Variants in ADGRL2 observed in about 807,000 individuals in gnomAD.
The protein encoded by ADGRL2 is adhesion G protein-coupled receptor L2.
ADGRL2 carries 44 observed loss-of-function variants against 157.4 expected under a neutral mutation model. That is an observed-to-expected ratio of 0.28 (90% CI 0.22 to 0.36). ADGRL2 has a LOEUF of 0.36. Among genes scored for constraint, ADGRL2 ranks in the 10% least tolerant of loss-of-function variants. The pLI, the probability that ADGRL2 is intolerant of heterozygous loss-of-function variation, is 1.00. For missense variants in ADGRL2, 1,510 were observed against 1,768.9 expected, an observed-to-expected ratio of 0.85 and a Z score of 2.63; for synonymous variants, 585 against 624.7, an observed-to-expected ratio of 0.94 and a Z score of 0.95.
At chr1:81,655,235 C>G (rs1394201219) in intron 3 of ADGRL2, among the ~76,000 whole-genome samples, 3 of 152,110 alleles carry the variant, frequency 2.0e-5, no homozygotes, top group African/African-American at 7.2e-5. Context: ...CTCCTGACTT[C>G]GTGATCCGCC....
chr1:81,669,039 A>C, intron 3 of ADGRL2, among the ~76,000 whole-genome samples: 1 of 152,162 alleles, frequency 6.6e-6, no homozygotes, highest in East Asian at 1.9e-4. Context: ...AAGACTGTCC[A>C]TCAATCTGGA....
At chr1:81,722,135 T>C (rs941208858) in intron 1 of ADGRL2, 1 of 357,962 alleles carries the variant, frequency 2.8e-6, no homozygotes, top group Non-Finnish European at 5.4e-6. Context: ...TACTAAAAAA[T>C]ATAAAAAATT....
At chr1:81,441,935 A>G (rs957608982) in intron 1 of ADGRL2, among the ~76,000 whole-genome samples, 1 of 152,080 alleles carries the variant, frequency 6.6e-6, no homozygotes, top group East Asian at 1.9e-4. Context: ...TCCTGGCCTC[A>G]AGTGATCTTC....
At chr1:81,935,644 T>G (rs1474900869) in intron 3 of ADGRL2, among the ~76,000 whole-genome samples, 1 of 151,994 alleles carries the variant, frequency 6.6e-6, no homozygotes, top group Non-Finnish European at 1.5e-5. Context: ...GTATTCCAAC[T>G]GTTACATAAA....
In ADGRL2 at chr1:81,963,941, T is replaced by C. The variant is rs190743615; in HGVS notation, c.2018-2117T>C. On this transcript the variant is annotated intron_variant, in intron 11 of 23. Transcript: ENST00000686636. ...TTTTAATGGTCATAAACTATTAGGG[T>C]TTTTAATTTCTTTTAGTCAGTTTTA... is the stretch of plus-strand genomic sequence containing the variant. 1.1e-4 allele frequency among the ~76,000 whole-genome samples: 17 copies of C among 151,214 alleles called. No individual in the cohort carries two copies. In the East Asian group the frequency reaches 3.3e-3, roughly 30 times the overall value.
At chr1:81,669,867 C>T (rs1453747871) in intron 3 of ADGRL2, among the ~76,000 whole-genome samples, 13 of 145,236 alleles carry the variant, frequency 9.0e-5, no homozygotes, top group African/African-American at 2.3e-4. Flanking sequence ...GGCATGAACC[C>T]GGGAGGCGGA....
At chr1:81,724,618 A>G (rs1423261759) in intron 1 of ADGRL2, among the ~76,000 whole-genome samples, 3 of 152,190 alleles carry the variant, frequency 2.0e-5, no homozygotes, top group Non-Finnish European at 4.4e-5. Flanking sequence ...AAGACTATGT[A>G]TAGACATCGT....
Position 81,836,993 on chromosome 1 carries a change from T to A in ADGRL2, c.9T>A (p.Ser3=). The change falls in exon 2 of 24, where the codon TCT becomes TCA. Residue 3 remains serine, a synonymous_variant. Transcript: ENST00000686636. MV[S]SGCRMRSLWF... is the part of the protein sequence containing the mutation. ...ACTTAAAGGGATCAATAATGGTGTCTTCTGGTTGCAGAATGCGAAGTCTGT... is the reference window on the plus strand; with the variant it reads ...ACTTAAAGGGATCAATAATGGTGTCATCTGGTTGCAGAATGCGAAGTCTGT... 6 of 1,589,782 alleles carry A rather than the reference T, an allele frequency of 3.8e-6. No homozygotes were observed. The highest frequency in any genetic ancestry group is 5.1e-6 in the Non-Finnish European group (6 of 1,168,126).
intron 2 of ADGRL2, among the ~76,000 whole-genome samples, chr1:81,457,072 G>A (rs916442375): frequency 2.0e-5 from 3 of 152,008 alleles, no homozygotes; most frequent in African/African-American, 7.3e-5. Context: ...CCCCCAATAT[G>A]GTGCTAAATT....
At chr1:81,754,710 C>G (rs1371607068) in intron 1 of ADGRL2, among the ~76,000 whole-genome samples, 1 of 146,724 alleles carries the variant, frequency 6.8e-6, no homozygotes, top group African/African-American at 2.6e-5. Flanking sequence ...TCCTTCCTCT[C>G]TCTCTCTTTC....
chr1:81,628,362 A>G (rs1217305069), intron 3 of ADGRL2, among the ~76,000 whole-genome samples: 1 of 152,186 alleles, frequency 6.6e-6, no homozygotes, highest in Non-Finnish European at 1.5e-5. Flanking sequence ...TTAAGCAATC[A>G]CAGTGGATAC....
intron 3 of ADGRL2, among the ~76,000 whole-genome samples, chr1:81,678,662 G>C (rs529700286): frequency 6.6e-5 from 10 of 152,298 alleles, no homozygotes; most frequent in Admixed American, 3.9e-4. Flanking sequence ...CTTTATGTAT[G>C]ACTTTGCCAC....
At chr1:81,563,712 T>C (rs964270010) in intron 2 of ADGRL2, among the ~76,000 whole-genome samples, 1 of 152,210 alleles carries the variant, frequency 6.6e-6, no homozygotes, top group Non-Finnish European at 1.5e-5. Context: ...CTATTTCTCA[T>C]ATTAAATCTC....
chr1:81,624,874 C>A (rs1462075958), intron 3 of ADGRL2, among the ~76,000 whole-genome samples: 1 of 152,152 alleles, frequency 6.6e-6, no homozygotes, highest in African/African-American at 2.4e-5. Flanking sequence ...ATGAGACAAG[C>A]ATTGAGTTGC....
At chr1:81,608,943 T>A (rs563842724) in intron 3 of ADGRL2, among the ~76,000 whole-genome samples, 33 of 152,226 alleles carry the variant, frequency 2.2e-4, no homozygotes, top group Middle Eastern at 6.8e-3. Context: ...TGAGAAGAGA[T>A]CACCAAAGCC....
chr1:81,562,982 C>A (rs1342262449), intron 2 of ADGRL2, among the ~76,000 whole-genome samples: 2 of 152,046 alleles, frequency 1.3e-5, no homozygotes, highest in Admixed American at 1.3e-4. Context: ...CAAAGCTTAA[C>A]TTTTTTGACT....
At chr1:81,766,956 C>A (rs1441060369) in intron 2 of ADGRL2, among the ~76,000 whole-genome samples, 1 of 151,814 alleles carries the variant, frequency 6.6e-6, no homozygotes, top group Admixed American at 6.6e-5. Flanking sequence ...GTGTACCCTT[C>A]TACGGTTCTT....
At chr1:81,675,322 A>C (rs1049693770) in intron 3 of ADGRL2, among the ~76,000 whole-genome samples, 4 of 152,210 alleles carry the variant, frequency 2.6e-5, no homozygotes, top group African/African-American at 9.6e-5. Context: ...TAATACTGAA[A>C]AATTGAAAGT....
Position 81,634,218 on chromosome 1 carries a change from G to A in ADGRL2, c.-143+53238G>A, listed in dbSNP as rs74095850. ...AAGATGAGGACTAATATTAACCACC[G>A]AACCCAATTAATCTCTTGCCCAGAC... is the stretch of plus-strand genomic sequence containing the variant. On this transcript the variant is annotated intron_variant, in intron 3 of 24. Transcript: ENST00000370721. Among the ~76,000 whole-genome samples the A allele has an allele frequency of 5.5e-3, 843 of 152,212 alleles. 4 individuals carry two copies. Among genetic ancestry groups the A allele is most frequent in the African/African-American group, 6.6e-3 (275 of 41,530 alleles).
Sources: allele counts gnomAD v4.1 joint callset (sites outside exome capture counted in the v4.1 genomes callset), GRCh38; gene constraint gnomAD v4.1.1; transcripts MANE v1.5; gene names NCBI Gene and HGNC (gene_info 2026-07-23, HGNC 2026-07-21).